CYGB: variants seen among roughly 807,000 people sequenced by gnomAD.
CYGB encodes the protein histoglobin.
CYGB carries 13 observed loss-of-function variants against 20.7 expected under a neutral mutation model. That is an observed-to-expected ratio of 0.63 (90% CI 0.41 to 1.00). CYGB has a LOEUF of 1.00. Ranked by LOEUF, CYGB falls within the 50% of genes least tolerant of loss-of-function variation. The probability of loss-of-function intolerance (pLI) is 0.00; values close to 1 mark genes in which losing one functional copy is unlikely to be tolerated. For missense variants in CYGB, 218 were observed against 257.2 expected, an observed-to-expected ratio of 0.85 and a Z score of 1.04; for synonymous variants, 93 against 107.4, an observed-to-expected ratio of 0.87 and a Z score of 0.83.
intron 1 of CYGB, among the ~76,000 whole-genome samples, chr17:76,547,791 T>G (rs921259667): frequency 2.8e-5 from 4 of 142,576 alleles, no homozygotes; most frequent in African/African-American, 1.1e-4. Context: ...CACACAGACA[T>G]ACACACATTC....
Position 76,530,079 on chromosome 17 carries a change from C to T in CYGB, c.539+900G>A, listed in dbSNP as rs1316843426. On this transcript the variant is annotated intron_variant, in intron 3 of 3. Coordinates refer to ENST00000293230, the MANE Select transcript of CYGB (RefSeq NM_134268.5). The surrounding 1 kb of genome is among the most constrained non-coding windows in gnomAD (Gnocchi z 6.1). Reference sequence around the variant, plus strand: ...CCGTGCAGAGCCCGGCGGGAGACGCCGCCTTTTCCATGGGAAACTGCTGGG... The same window carrying T: ...CCGTGCAGAGCCCGGCGGGAGACGCTGCCTTTTCCATGGGAAACTGCTGGG... The T allele has an allele frequency of 4.1e-6, 4 of 984,404 alleles. No homozygotes were observed. Among genetic ancestry groups the T allele is most frequent in the African/African-American group, 1.7e-5 (1 of 57,178 alleles). The allele number at this position is 984,404 out of a possible 1,614,324, so 61.0% of individuals were successfully genotyped here. A position where few individuals can be genotyped will look rare whatever the true frequency, so the allele number is the denominator to read the frequency against.
At chr17:76,529,791 G>A in intron 3 of CYGB, 2 of 985,304 alleles carry the variant, frequency 2.0e-6, no homozygotes, top group Non-Finnish European at 2.4e-6. Flanking sequence ...ACATCTGCTT[G>A]TTTCCCATTG....
intron 1 of CYGB, among the ~76,000 whole-genome samples, chr17:76,543,593 C>A (rs2075017381): frequency 1.3e-5 from 2 of 152,250 alleles, no homozygotes; most frequent in Admixed American, 6.5e-5. Flanking sequence ...CAGGCTCACA[C>A]TGGAGCTGCA....
At chr17:76,540,476 C>T (rs769046801), upstream of CYGB, 30 of 1,611,640 alleles carry the variant, frequency 1.9e-5, no homozygotes, top group Admixed American at 4.8e-4. This position sits in a 1 kb window ranked among gnomAD's most constrained non-coding sequence, Gnocchi z 5.0. Context: ...ACAGCCATAG[C>T]TCTTCCTCCC....
chr17:76,551,161 A>G (rs2075105176), exon 1 of CYGB: 1 of 152,196 alleles, frequency 6.6e-6, no homozygotes, highest in South Asian at 2.1e-4. Flanking sequence ...ATTTAAGTAC[A>G]AGCTGGAATT....
Position 76,528,161 on chromosome 17 carries a change from A to G in CYGB, c.*417T>C, listed in dbSNP as rs1387832967. On this transcript the variant is annotated 3_prime_UTR_variant, in exon 4 of 4. Transcript: ENST00000293230. The surrounding 1 kb of genome is among the most constrained non-coding windows in gnomAD (Gnocchi z 5.8). ...ATATATATTTATATATAGCTCGTAT[A>G]TAGAATATATCTGTATATATGGTAG... 2 of 387,680 alleles carry G rather than the reference A, an allele frequency of 5.2e-6. No individual in the cohort carries two copies. Among genetic ancestry groups the G allele is most frequent in the Admixed American group, 4.4e-5 (1 of 22,816 alleles). The allele number at this position is 387,680 out of a possible 1,614,324, so 24.0% of individuals were successfully genotyped here.
upstream of CYGB, chr17:76,538,155 C>A (rs1437053281): frequency 6.3e-6 from 1 of 159,708 alleles, no homozygotes; most frequent in East Asian, 1.9e-4. Flanking sequence ...CGAGCTTTCG[C>A]GGCGAGGCCG....
upstream of CYGB, chr17:76,540,506 G>A: frequency 6.2e-7 from 1 of 1,613,646 alleles, no homozygotes; most frequent in East Asian, 2.2e-5. This position sits in a 1 kb window ranked among gnomAD's most constrained non-coding sequence, Gnocchi z 5.0. Flanking sequence ...CTCCCACAGA[G>A]AGCCCAGCGA....
In CYGB at chr17:76,533,946, C is replaced by T. The variant is rs994456875; in HGVS notation, c.144-2255G>A. Among the ~76,000 whole-genome samples, 6 of 151,886 alleles carry T rather than the reference C, an allele frequency of 4.0e-5. No individual in the cohort carries two copies. Among genetic ancestry groups the T allele is most frequent in the Non-Finnish European group, 7.4e-5 (5 of 67,966 alleles). ...CTTGGGAGGCTGCAGCAGGAAGATC[C>T]GATCGCATCACGAGCCCAGGATTGG... On this transcript the variant is annotated intron_variant, in intron 1 of 3. Coordinates refer to ENST00000293230, the MANE Select transcript of CYGB (RefSeq NM_134268.5). The surrounding 1 kb of genome is among the most constrained non-coding windows in gnomAD (Gnocchi z 4.5).
upstream of CYGB, chr17:76,540,262 G>GC (rs1224203370): frequency 4.1e-6 from 3 of 738,228 alleles, no homozygotes; most frequent in Admixed American, 6.4e-5. This position sits in a 1 kb window ranked among gnomAD's most constrained non-coding sequence, Gnocchi z 5.0. Context: ...GGGGGGGGGG[G>GC]GCATGGGGCT....
rs776196684 is a variant in CYGB at position 76,544,399 on chromosome 17, C to T, written c.-53+6463G>A. ...AGGGATGCCGCAGAGCAGAGGGAAC[C>T]GCTGGGGAGGCGCTCAGGGTGGGGG... On this transcript the variant is annotated intron_variant, in intron 1 of 3. Transcript: ENST00000589145. 34 of 454,768 alleles carry T rather than the reference C, an allele frequency of 7.5e-5. No homozygotes were observed. Among genetic ancestry groups the T allele is most frequent in the East Asian group, 1.4e-4 (2 of 14,414 alleles). 28.2% of individuals were successfully genotyped at this position (454,768 alleles called of 1,614,324 possible).
upstream of CYGB, among the ~76,000 whole-genome samples, chr17:76,539,425 C>T (rs1437461419): frequency 6.6e-6 from 1 of 152,188 alleles, no homozygotes; most frequent in Non-Finnish European, 1.5e-5. Context: ...TGTGAGTGCA[C>T]ACTTGAATTC....
chr17:76,543,755 C>G, intron 1 of CYGB: 1 of 469,910 alleles, frequency 2.1e-6, no homozygotes, highest in South Asian at 1.6e-5. Context: ...GTGCTGGTGT[C>G]GGTTTGCCAC....
At chr17:76,539,557 C>G (rs1423571653), upstream of CYGB, among the ~76,000 whole-genome samples, 1 of 152,194 alleles carries the variant, frequency 6.6e-6, no homozygotes, top group East Asian at 1.9e-4. Context: ...CAATATTCCT[C>G]CCCTTTCTTC....
rs1391475095 is a variant in CYGB, at chr17:76,533,615, CAG to C, written c.144-1926_144-1925del. Among the ~76,000 whole-genome samples, 1 of 151,792 alleles carries C rather than the reference CAG, an allele frequency of 6.6e-6. No homozygotes were observed. The highest frequency in any genetic ancestry group is 1.9e-4 in the East Asian group (1 of 5,176). ...GCACACACCTTTGATTCCAGCTACTCAGGGGCCTAAAGTGGGAGGATCACTTG... is the reference window on the plus strand; with the variant it reads ...GCACACACCTTTGATTCCAGCTACTCGGGCCTAAAGTGGGAGGATCACTTG... On this transcript the variant is annotated intron_variant, in intron 1 of 3. Coordinates refer to ENST00000293230, the MANE Select transcript of CYGB (RefSeq NM_134268.5). This position sits in a 1 kb window ranked among gnomAD's most constrained non-coding sequence, Gnocchi z 4.5.
At chr17:76,543,812 C>T in intron 1 of CYGB, 1 of 471,072 alleles carries the variant, frequency 2.1e-6, no homozygotes, top group Non-Finnish European at 4.4e-6. Context: ...GTTCCCAGAG[C>T]TCATCCTGTC....
At chr17:76,540,352 A>G, upstream of CYGB, 1 of 1,278,708 alleles carries the variant, frequency 7.8e-7, no homozygotes, top group Non-Finnish European at 1.1e-6. The surrounding 1 kb of genome is among the most constrained non-coding windows in gnomAD (Gnocchi z 5.0). Context: ...GGAACCCTTG[A>G]GAGAGCACAG....
upstream of CYGB, chr17:76,542,562 A>G (rs1189782156): frequency 6.2e-7 from 1 of 1,614,038 alleles, no homozygotes; most frequent in Non-Finnish European, 8.5e-7. Context: ...GGGAGAAAGA[A>G]CCTCTGAAGT....
At chr17:76,542,767 G>A in intron 1 of CYGB, 1 of 685,906 alleles carries the variant, frequency 1.5e-6, no homozygotes, top group Non-Finnish European at 2.7e-6. Flanking sequence ...GTTCAAAGTA[G>A]GCGGATGGAC....
Sources: gnomAD v4.1 joint callset for allele counts (sites outside exome capture counted in the v4.1 genomes callset) on GRCh38, gnomAD v4.1.1 for gene constraint, Gnocchi (gnomAD v3.1) non-coding constraint, MANE v1.5 for transcripts, NCBI Gene and HGNC (gene_info 2026-07-23, HGNC 2026-07-21) for gene names.